SLC9C2: variants seen among roughly 807,000 people sequenced by gnomAD.
The protein encoded by SLC9C2 is sodium/hydrogen exchanger 11.
Under a neutral mutation model 140.2 loss-of-function variants are expected in SLC9C2, and 75 were observed. That is an observed-to-expected ratio of 0.53 (90% CI 0.44 to 0.65). SLC9C2 has a LOEUF of 0.65. Ranked by LOEUF, SLC9C2 falls within the 30% of genes least tolerant of loss-of-function variation. SLC9C2 has a pLI of 0.00. For synonymous variants in SLC9C2, 375 were observed against 420.9 expected, an observed-to-expected ratio of 0.89 and a Z score of 1.34; for missense variants, 1,074 against 1,331.8, an observed-to-expected ratio of 0.81 and a Z score of 3.01.
rs780322544 is a variant in SLC9C2 at position 173,601,680 on chromosome 1, T to C, written c.97A>G (p.Thr33Ala). 7.2e-5 allele frequency: 117 copies of C among 1,614,062 alleles called. 2 individuals carry two copies. The South Asian group carries it at 1.2e-3, about 16-fold the overall frequency. Residue 33 changes from threonine (T) to alanine (A), a missense_variant, in exon 2 of 28, where the codon ACG becomes GCG. Physicochemically the swap from Thr to Ala is moderately conservative, Grantham distance 58 (BLOSUM62 0). Transcript: ENST00000367714. Reference protein sequence around the residue: ...DYLVEEKHFTTLVCFIVVLGG... With the variant: ...DYLVEEKHFTALVCFIVVLGG... Reference sequence around the variant, plus strand: ...AAAACAACAATGAAGCATACAAGCGTTGTGAAATGTTTCTCTTCAACAAGG... The same window carrying C: ...AAAACAACAATGAAGCATACAAGCGCTGTGAAATGTTTCTCTTCAACAAGG...
intron 13 of SLC9C2, among the ~76,000 whole-genome samples, chr1:173,539,369 A>T (rs144903164): frequency 2.0e-5 from 3 of 152,344 alleles, no homozygotes; most frequent in Non-Finnish European, 4.4e-5. Flanking sequence ...ACAAGAATGG[A>T]AAGGGGTGTA....
chr1:173,525,584 G>A (rs916666370), intron 19 of SLC9C2, among the ~76,000 whole-genome samples: 1 of 152,216 alleles, frequency 6.6e-6, no homozygotes, highest in Non-Finnish European at 1.5e-5. Flanking sequence ...ACTAGCCATA[G>A]GGCCTCAGGC....
intron 7 of SLC9C2, among the ~76,000 whole-genome samples, chr1:173,579,824 G>A (rs1665409656): frequency 6.6e-6 from 1 of 152,162 alleles, no homozygotes; most frequent in African/African-American, 2.4e-5. Context: ...AACTTGAAAA[G>A]TTGTATGTCA....
chr1:173,535,474 G>A (rs1350832451), intron 15 of SLC9C2, among the ~76,000 whole-genome samples: 2 of 152,162 alleles, frequency 1.3e-5, no homozygotes, highest in African/African-American at 2.4e-5. Context: ...TAGAACAGAT[G>A]AAATTAAACA....
intron 23 of SLC9C2, among the ~76,000 whole-genome samples, chr1:173,516,052 T>G (rs1307518842): frequency 1.3e-5 from 2 of 152,194 alleles, no homozygotes; most frequent in African/African-American, 4.8e-5. Context: ...CTCTGGGATC[T>G]CTGACCTTGA....
chr1:173,543,573 C>A (rs1321757805), intron 13 of SLC9C2, among the ~76,000 whole-genome samples: 1 of 152,162 alleles, frequency 6.6e-6, no homozygotes, highest in East Asian at 1.9e-4. Context: ...ACTAACAAAG[C>A]TGGAGGCATC....
intron 13 of SLC9C2, among the ~76,000 whole-genome samples, chr1:173,545,741 T>G (rs1662800859): frequency 6.6e-6 from 1 of 152,192 alleles, no homozygotes. Flanking sequence ...GTAGAAATAT[T>G]GTGGCCAGTG....
chr1:173,509,557 A>C lies in SLC9C2; in HGVS notation c.3039+11T>G. The C allele has an allele frequency of 6.6e-7, 1 of 1,508,076 alleles. No homozygotes were observed. The highest frequency in any genetic ancestry group is 1.4e-5 in the African/African-American group (1 of 69,130). 93.4% of individuals were successfully genotyped at this position (1,508,076 alleles called of 1,614,324 possible). ...AATTCAATTTATTAATATTTTAATCACATAACTTACCTCATCAATAAGACT... is the reference window on the plus strand; with the variant it reads ...AATTCAATTTATTAATATTTTAATCCCATAACTTACCTCATCAATAAGACT... On this transcript the variant is annotated intron_variant, in intron 24 of 27. Transcript: ENST00000367714.
At chr1:173,533,226 A>G (rs1661711332) in intron 17 of SLC9C2, among the ~76,000 whole-genome samples, 2 of 152,198 alleles carry the variant, frequency 1.3e-5, no homozygotes, top group Admixed American at 6.5e-5. Flanking sequence ...CTTAACACAC[A>G]ATGTAAAAAA....
chr1:173,533,033 G>C (rs915828139), intron 17 of SLC9C2, among the ~76,000 whole-genome samples: 4 of 152,214 alleles, frequency 2.6e-5, no homozygotes, highest in African/African-American at 9.6e-5. Flanking sequence ...GAAATTGAGG[G>C]TGTGAAGGGT....
intron 23 of SLC9C2, among the ~76,000 whole-genome samples, chr1:173,511,886 C>T (rs569901196): frequency 6.6e-6 from 1 of 152,290 alleles, no homozygotes; most frequent in South Asian, 2.1e-4. Flanking sequence ...CCAGTTTTCC[C>T]AACACCATTT....
chr1:173,587,638 T>G (rs1474053375), intron 5 of SLC9C2, 27 bp downstream of exon 5: 1 of 1,582,960 alleles, frequency 6.3e-7, no homozygotes, highest in Admixed American at 1.8e-5. Flanking sequence ...ATTTTCAAGA[T>G]AAGAGAGAGA....
In SLC9C2 at chr1:173,567,016, T is replaced by C. The variant is rs550753209; in HGVS notation, c.1046+6166A>G. On this transcript the variant is annotated intron_variant, in intron 9 of 27. Transcript: ENST00000367714. Reference sequence around the variant, plus strand: ...AATTCTTCTTGTTATTGATTTCTTGTTTTATTCTGGAAAATGCTTGATATT... The same window carrying C: ...AATTCTTCTTGTTATTGATTTCTTGCTTTATTCTGGAAAATGCTTGATATT... 5.9e-5 allele frequency among the ~76,000 whole-genome samples: 9 copies of C among 152,214 alleles called. No individual in the cohort carries two copies. In the South Asian group the frequency reaches 1.0e-3, roughly 18 times the overall value.
chr1:173,513,111 C>CTT (rs1201560851), intron 23 of SLC9C2, among the ~76,000 whole-genome samples: 4 of 151,752 alleles, frequency 2.6e-5, no homozygotes, highest in African/African-American at 9.7e-5. Flanking sequence ...CTGAAGTTTT[C>CTT]TTTTTGTTGT....
chr1:173,542,018 A>G (rs1662466347), intron 13 of SLC9C2, among the ~76,000 whole-genome samples: 1 of 152,196 alleles, frequency 6.6e-6, no homozygotes, highest in Non-Finnish European at 1.5e-5. Context: ...TCAGAGCAGA[A>G]CTGAAGGAAA....
At chr1:173,544,270 T>C (rs776086970) in intron 13 of SLC9C2, among the ~76,000 whole-genome samples, 54 of 152,262 alleles carry the variant, frequency 3.5e-4, no homozygotes, top group Admixed American at 1.2e-3. Context: ...CTCATCATCA[T>C]TGGTCATCAG....
intron 4 of SLC9C2, among the ~76,000 whole-genome samples, chr1:173,589,419 G>A (rs1571626462): frequency 6.6e-6 from 1 of 152,036 alleles, no homozygotes; most frequent in Non-Finnish European, 1.5e-5. Flanking sequence ...AATTAGCCAG[G>A]CATGGTGGCA....
At chr1:173,600,672 C>A (rs996560416) in intron 2 of SLC9C2, among the ~76,000 whole-genome samples, 1 of 152,106 alleles carries the variant, frequency 6.6e-6, no homozygotes, top group Non-Finnish European at 1.5e-5. Context: ...GTACTTCTTA[C>A]AGGTAAGACC....
At chr1:173,589,350 A>G (rs1666030509) in intron 4 of SLC9C2, among the ~76,000 whole-genome samples, 1 of 152,266 alleles carries the variant, frequency 6.6e-6, no homozygotes, top group East Asian at 1.9e-4. Flanking sequence ...TGAGGCCAGA[A>G]GCCTAGAAAG....
Sources: allele counts gnomAD v4.1 joint callset (sites outside exome capture counted in the v4.1 genomes callset), GRCh38; gene constraint gnomAD v4.1.1; transcripts MANE v1.5; gene names NCBI Gene and HGNC (gene_info 2026-07-23, HGNC 2026-07-21).